TG: variants seen among roughly 807,000 people sequenced by gnomAD.
TG encodes the protein thyroglobulin.
TG carries 270 observed loss-of-function variants against 324.7 expected under a neutral mutation model. The ratio of observed to expected loss-of-function variants is 0.83; its 90% CI spans 0.75 to 0.92. The LOEUF (loss-of-function observed/expected upper bound fraction) is 0.92, where lower values mean the gene tolerates loss of function less well. TG is among the 40% of genes least tolerant of loss of function. TG has a pLI of 0.00. For missense variants in TG, 3,591 were observed against 3,456.4 expected (o/e 1.04, Z -0.98); for synonymous variants, 1,401 against 1,327.0 (o/e 1.06, Z -1.21).
intron 45 of TG, among the ~76,000 whole-genome samples, chr8:133,128,047 T>G (rs532588256): frequency 3.3e-5 from 5 of 152,296 alleles, no homozygotes; most frequent in African/African-American, 9.6e-5. Flanking sequence ...TCTCTCTTCT[T>G]ATGGTAGTTG....
intron 41 of TG, among the ~76,000 whole-genome samples, chr8:133,068,546 A>G (rs1402841260): frequency 6.6e-6 from 1 of 152,168 alleles, no homozygotes; most frequent in Non-Finnish European, 1.5e-5. Context: ...TTTGTCTTTA[A>G]TGAACATAGT....
chr8:132,908,774 C>T (rs887537815), intron 18 of TG, among the ~76,000 whole-genome samples: 31 of 152,102 alleles, frequency 2.0e-4, no homozygotes, highest in African/African-American at 7.5e-4. Flanking sequence ...CAGGTCGGGC[C>T]TTGCTTGAGA....
intron 22 of TG, among the ~76,000 whole-genome samples, chr8:132,924,911 T>C (rs532962221): frequency 6.6e-6 from 1 of 152,220 alleles, no homozygotes; most frequent in Non-Finnish European, 1.5e-5. Context: ...GGAGGGAGGC[T>C]GAAACAGTCT....
At chr8:133,004,681 C>T (rs1833867475) in intron 35 of TG, among the ~76,000 whole-genome samples, 1 of 152,106 alleles carries the variant, frequency 6.6e-6, no homozygotes. Context: ...ACAGGACCAC[C>T]CTGTAAAAGT....
chr8:133,119,441 T>C (rs1850965701), intron 45 of TG, among the ~76,000 whole-genome samples: 1 of 152,168 alleles, frequency 6.6e-6, no homozygotes. Context: ...TTGCTCACAG[T>C]TCTGGAGGCT....
intron 27 of TG, among the ~76,000 whole-genome samples, chr8:132,954,212 T>C (rs1162669867): frequency 1.3e-5 from 2 of 152,022 alleles, no homozygotes; most frequent in Non-Finnish European, 1.5e-5. Flanking sequence ...CGCATCTAGA[T>C]GAGATGGCTG....
At position 132,887,051 on chromosome 8, in the gene TG, A is replaced by G; in HGVS notation, c.1679A>G (p.Glu560Gly). The G allele has an allele frequency of 6.2e-7, 1 of 1,614,238 alleles. No homozygotes were observed. Among genetic ancestry groups the G allele is most frequent in the Non-Finnish European group, 8.5e-7 (1 of 1,180,042 alleles). ...TTTGGCTTTGAAATTAACCTACAAG[A>G]GAACCAAAATGCCCTCAAATTCCTT... ...GSFGFEINLQ[E>G]NQNALKFLAS... Residue 560 changes from glutamate (E) to glycine (G), a missense_variant, in exon 9 of 48, where the codon GAG (glutamate) becomes GGG (glycine). Physicochemically the swap from Glu to Gly is moderately conservative, Grantham distance 98. Transcript: ENST00000220616.
At chr8:133,075,903 T>C (rs1470414421) in intron 41 of TG, 1 of 152,120 alleles carries the variant, frequency 6.6e-6, no homozygotes, top group Non-Finnish European at 1.5e-5. Flanking sequence ...AAGTTTTTGG[T>C]GAGTTTGATG....
At chr8:133,075,476 A>G (rs1328037136) in intron 41 of TG, among the ~76,000 whole-genome samples, 2 of 152,200 alleles carry the variant, frequency 1.3e-5, no homozygotes, top group African/African-American at 4.8e-5. Flanking sequence ...AAAGAACATT[A>G]TGAGATGGCA....
chr8:133,063,751 A>G (rs1056604876), intron 41 of TG: 9 of 152,358 alleles, frequency 5.9e-5, no homozygotes, highest in African/African-American at 1.9e-4. Context: ...CAAAAAAACC[A>G]TCAGGTCTCA....
At chr8:133,021,955 C>T (rs1389905634) in intron 39 of TG, 36 bp from the exon 40 acceptor site, 2 of 1,613,880 alleles carry the variant, frequency 1.2e-6, no homozygotes, top group South Asian at 1.1e-5. Context: ...GGTGCCCTCC[C>T]CACACTTTAG....
rs528033892 is a variant in TG at position 132,965,640 on chromosome 8, A to G, written c.5549-920A>G. Among the ~76,000 whole-genome samples the G allele has an allele frequency of 3.1e-4, 47 of 152,338 alleles. No individual in the cohort carries two copies. The South Asian group carries it at 9.1e-3, about 30-fold the overall frequency. On this transcript the variant is annotated intron_variant, in intron 29 of 47. Coordinates refer to ENST00000220616, the MANE Select transcript of TG (RefSeq NM_003235.5). ...CCTGGGTGTTGGGGTCCTTGGCCCT[A>G]TAGAACCTCTTTATAGAGTCACAGG...
At chr8:133,012,154 A>C in intron 36 of TG, 119 bp downstream of exon 36, 1 of 1,453,182 alleles carries the variant, frequency 6.9e-7, no homozygotes, top group Admixed American at 1.8e-5. Context: ...GCTTGGAAGT[A>C]AGGGATTAAC....
chr8:133,072,776 T>A (rs1161962134), intron 41 of TG: 1 of 152,200 alleles, frequency 6.6e-6, no homozygotes, highest in Non-Finnish European at 1.5e-5. Context: ...CTTCTGAAAG[T>A]GACTTAGGAA....
chr8:132,948,735 C>T lies in TG; in HGVS notation c.5234-41C>T, dbSNP rs767427715. 15 of 1,608,230 alleles carry T rather than the reference C, an allele frequency of 9.3e-6. No homozygotes were observed. In the East Asian group the frequency reaches 3.1e-4, roughly 33 times the overall value. On this transcript the variant is annotated intron_variant, in intron 26 of 47. Coordinates refer to ENST00000220616, the MANE Select transcript of TG (RefSeq NM_003235.5). ...ACAGAGAAGAGTCTCTAAAGGTCCC[C>T]CTCCATCACACTGACCTCTCCTACC... is the stretch of plus-strand genomic sequence containing the variant.
chr8:133,109,441 C>T (rs73708868), intron 43 of TG, among the ~76,000 whole-genome samples: 7 of 152,208 alleles, frequency 4.6e-5, no homozygotes, highest in African/African-American at 1.4e-4. Flanking sequence ...CTTAAAAGTA[C>T]GAGAGAACAT....
intron 37 of TG, 134 bp downstream of exon 37, chr8:133,013,898 G>C: frequency 9.4e-7 from 1 of 1,066,184 alleles, no homozygotes; most frequent in Non-Finnish European, 1.4e-6. Flanking sequence ...ACTCACTTGA[G>C]GTAGACTGAA....
chr8:132,986,098 TC>T (rs1228104560), intron 35 of TG, among the ~76,000 whole-genome samples: 1 of 152,062 alleles, frequency 6.6e-6, no homozygotes, highest in Non-Finnish European at 1.5e-5. Flanking sequence ...AAGCGATAGG[TC>T]CTATTATAAT....
At chr8:133,076,581 C>T (rs1302617148) in intron 41 of TG, 2 of 152,086 alleles carry the variant, frequency 1.3e-5, no homozygotes, top group African/African-American at 4.8e-5. Context: ...CCCAAATTCA[C>T]ACAGAGGAGT....
Sources: allele counts gnomAD v4.1 joint callset (sites outside exome capture counted in the v4.1 genomes callset), GRCh38; gene constraint gnomAD v4.1.1; transcripts MANE v1.5; gene names NCBI Gene and HGNC (gene_info 2026-07-23, HGNC 2026-07-21).